Variants in STOX1 observed in about 807,000 individuals in gnomAD.
STOX1 encodes storkhead box 1.
STOX1 carries 57 observed loss-of-function variants against 74.8 expected under a neutral mutation model. That is an observed-to-expected ratio of 0.76 (90% CI 0.62 to 0.95). The LOEUF (loss-of-function observed/expected upper bound fraction) is 0.95, where lower values mean the gene tolerates loss of function less well. STOX1 is among the 40% of genes least tolerant of loss of function. The pLI is 0.00. For synonymous variants in STOX1, 375 were observed against 401.3 expected (o/e 0.93, Z 0.78); for missense variants, 1,010 against 1,117.0 (o/e 0.90, Z 1.37).
rs199861943 is a variant in STOX1, at chr10:68,855,762, AAC to A, written c.311-26194_311-26193del. 7.9e-3 allele frequency among the ~76,000 whole-genome samples: 1,196 copies of A among 151,428 alleles called. 22 individuals carry two copies. Among genetic ancestry groups the A allele is most frequent in the African/African-American group, 0.027 (1,104 of 41,126 alleles). On this transcript the variant is annotated intron_variant, in intron 1 of 3. Transcript: ENST00000298596. The stretch of plus-strand genomic sequence containing the variant: ...ACCTGGCTAAAAAAAGGAAAAAAAA[AAC>A]AAAAAAAGACTCTTAATGTGTCCTC...
chr10:68,883,035 C>G (rs1244486397), intron 2 of STOX1, among the ~76,000 whole-genome samples: 1 of 152,156 alleles, frequency 6.6e-6, no homozygotes. Context: ...GCTGGGACCA[C>G]AGGTGCGCAC....
At chr10:68,846,136 T>TA (rs942399878) in intron 1 of STOX1, among the ~76,000 whole-genome samples, 1 of 142,406 alleles carries the variant, frequency 7.0e-6, no homozygotes, top group Admixed American at 6.9e-5. Context: ...TTATTATTAT[T>TA]ATTATTATTA....
At chr10:68,886,782 T>A (rs1840975026) in intron 3 of STOX1, among the ~76,000 whole-genome samples, 164 bp downstream of exon 3, 1 of 151,836 alleles carries the variant, frequency 6.6e-6, no homozygotes, top group African/African-American at 2.4e-5. Context: ...CAACCAGGTG[T>A]GGTGGTGCGT....
intron 3 of STOX1, among the ~76,000 whole-genome samples, chr10:68,889,899 G>A (rs931932123): frequency 1.3e-5 from 2 of 150,584 alleles, no homozygotes; most frequent in Non-Finnish European, 3.0e-5. Context: ...CCTCCTGAGT[G>A]GCTGGGACTA....
chr10:68,861,624 G>T (rs930810337), intron 1 of STOX1, among the ~76,000 whole-genome samples: 3 of 152,090 alleles, frequency 2.0e-5, no homozygotes, highest in African/African-American at 7.3e-5. Flanking sequence ...CTTTACCCAG[G>T]AGTTGGGATT....
chr10:68,892,439 T>G, intron 3 of STOX1, 150 bp from the exon 4 acceptor site: 1 of 701,346 alleles, frequency 1.4e-6, no homozygotes, highest in Non-Finnish European at 2.4e-6. Context: ...TAAAGAGCAC[T>G]TCGGATTTTT....
Position 68,885,539 on chromosome 10 carries a change from C to A in STOX1, c.1743C>A (p.His581Gln). The A allele has an allele frequency of 6.2e-7, 1 of 1,614,184 alleles. No homozygotes were observed. Among genetic ancestry groups the A allele is most frequent in the Non-Finnish European group, 8.5e-7 (1 of 1,180,042 alleles). ...VKPINDDFRG[H>Q]LFSHPQQSML... is the part of the protein sequence containing the mutation. Reference sequence around the variant, plus strand: ...CCATCAATGATGACTTCAGAGGTCACCTCTTCAGTCACCCTCAACAGAGCA... The same window carrying A: ...CCATCAATGATGACTTCAGAGGTCAACTCTTCAGTCACCCTCAACAGAGCA... The change falls in exon 3 of 4, where the codon CAC becomes CAA. Residue 581 changes from histidine to glutamine, a missense_variant. His to Gln is a conservative substitution (Grantham distance 24). Transcript: ENST00000298596.
At chr10:68,894,561 ATTG>A (rs925337097), downstream of STOX1, among the ~76,000 whole-genome samples, 2 of 152,142 alleles carry the variant, frequency 1.3e-5, no homozygotes, top group African/African-American at 2.4e-5. Context: ...TAGAAGATTA[ATTG>A]TTGTCAAAAC....
chr10:68,846,116 G>GTT (rs869245499), intron 1 of STOX1, among the ~76,000 whole-genome samples: 1 of 93,802 alleles, frequency 1.1e-5, no homozygotes, highest in South Asian at 4.0e-4. Context: ...ATGGCTTGAG[G>GTT]TTTTTATTAT....
intron 3 of STOX1, among the ~76,000 whole-genome samples, chr10:68,886,844 C>T (rs555766820): frequency 2.0e-4 from 31 of 151,488 alleles, no homozygotes; most frequent in African/African-American, 7.3e-4. Context: ...CGCTTAAACC[C>T]GGGAGGTGGA....
intron 1 of STOX1, among the ~76,000 whole-genome samples, chr10:68,831,872 A>G (rs906098239): frequency 5.3e-5 from 8 of 152,048 alleles, no homozygotes; most frequent in African/African-American, 1.9e-4. Context: ...TTGATTAACA[A>G]GGGGCTAACT....
rs572834578 is a variant in STOX1 at position 68,828,416 on chromosome 10, C to A, written c.310+483C>A. ...CGGGGGCTGCGGTTGGGCGGCCGGT[C>A]CGGGGGGCCAAGACGCCCCGGAGAC... is the stretch of plus-strand genomic sequence containing the variant. On this transcript the variant is annotated intron_variant, in intron 1 of 3. Transcript: ENST00000298596. 8.6e-5 allele frequency: 47 copies of A among 549,048 alleles called. No homozygotes were observed. In the South Asian group the frequency reaches 3.7e-3, roughly 43 times the overall value. 34.0% of individuals were successfully genotyped at this position (549,048 alleles called of 1,614,324 possible).
chr10:68,831,929 C>CTTTTTT (rs75873763), intron 1 of STOX1, among the ~76,000 whole-genome samples: 1 of 143,364 alleles, frequency 7.0e-6, no homozygotes, highest in Non-Finnish European at 1.5e-5. Flanking sequence ...CTTTTCTTTT[C>CTTTTTT]TTTTTTTTTT....
chr10:68,844,106 G>A (rs1242942415), intron 1 of STOX1, among the ~76,000 whole-genome samples: 1 of 151,768 alleles, frequency 6.6e-6, no homozygotes, highest in Non-Finnish European at 1.5e-5. Context: ...CATGAGCCCG[G>A]GAGGCGGAGC....
At chr10:68,864,942 T>C (rs1029689472) in intron 1 of STOX1, among the ~76,000 whole-genome samples, 1 of 152,232 alleles carries the variant, frequency 6.6e-6, no homozygotes, top group African/African-American at 2.4e-5. Flanking sequence ...TTATGCATGG[T>C]TACTTTTGTG....
chr10:68,834,844 C>T lies in STOX1; in HGVS notation c.310+6911C>T, dbSNP rs556423648. Among the ~76,000 whole-genome samples, 4 of 152,174 alleles carry T rather than the reference C, an allele frequency of 2.6e-5. No individual in the cohort carries two copies. In the South Asian group the frequency reaches 6.2e-4, roughly 24 times the overall value. ...GGTTCAAGCGATTCTCCTGCCTTAG[C>T]GTCCCAAGTAGCTGTGATTACAGGC... On this transcript the variant is annotated intron_variant, in intron 1 of 3. Coordinates refer to ENST00000298596, the MANE Select transcript of STOX1 (RefSeq NM_152709.5).
At chr10:68,864,090 A>AT (rs1015987992) in intron 1 of STOX1, among the ~76,000 whole-genome samples, 1 of 151,914 alleles carries the variant, frequency 6.6e-6, no homozygotes, top group Non-Finnish European at 1.5e-5. Flanking sequence ...GCACCAGCTA[A>AT]TTTTTTTGTA....
rs1840840407 is a variant in STOX1, at chr10:68,882,746, C to T, written c.463+636C>T. On this transcript the variant is annotated intron_variant, in intron 2 of 3. Coordinates refer to ENST00000298596, the MANE Select transcript of STOX1 (RefSeq NM_152709.5). ...ACTCCTGACCTCATGATCCACCCGC[C>T]TTGGCCCCCCGAAGTGTTGGGATTA... Among the ~76,000 whole-genome samples the T allele has an allele frequency of 1.3e-5, 2 of 152,184 alleles. 1 individual carries two copies. Among genetic ancestry groups the T allele is most frequent in the South Asian group, 4.1e-4 (2 of 4,832 alleles).
chr10:68,888,802 A>ATTTTTTTTT lies in STOX1; in HGVS notation c.2822+2208_2822+2216dup, dbSNP rs35174437. 1.1e-3 allele frequency among the ~76,000 whole-genome samples: 34 copies of ATTTTTTTTT among 32,064 alleles called. 2 individuals are homozygous for ATTTTTTTTT. Among genetic ancestry groups the ATTTTTTTTT allele is most frequent in the African/African-American group, 2.4e-3 (18 of 7,598 alleles). 21.0% of individuals were successfully genotyped at this position (32,064 alleles called of 152,430 possible). A position where few individuals can be genotyped will look rare whatever the true frequency, so the allele number is the denominator to read the frequency against. ...AGGCATATGTCACTATGCCCAGCTAATTTTTTTTTTTTTTTTTTTTTTTTT... is the reference window on the plus strand; with the variant it reads ...AGGCATATGTCACTATGCCCAGCTAATTTTTTTTTTTTTTTTTTTTTTTTTTTTTTTTTT... On this transcript the variant is annotated intron_variant, in intron 3 of 3. Coordinates refer to ENST00000298596, the MANE Select transcript of STOX1 (RefSeq NM_152709.5).
Sources: allele counts gnomAD v4.1 joint callset (sites outside exome capture counted in the v4.1 genomes callset), GRCh38; gene constraint gnomAD v4.1.1; transcripts MANE v1.5; gene names NCBI Gene and HGNC (gene_info 2026-07-23, HGNC 2026-07-21).